The following PDGFRL variants were observed in gnomAD, a reference collection of about 807,000 sequenced individuals.
The protein encoded by PDGFRL is platelet derived growth factor receptor like.
A neutral mutation model predicts 37.2 loss-of-function variants in PDGFRL; 46 were observed. The ratio of observed to expected loss-of-function variants is 1.24; its 90% CI spans 0.98 to 1.58. PDGFRL has a LOEUF of 1.58. Ranked by LOEUF, PDGFRL falls within the 40% of genes most tolerant of loss-of-function variation. PDGFRL has a pLI of 0.00. For missense variants in PDGFRL, 692 were observed against 467.6 expected, an observed-to-expected ratio of 1.48 and a Z score of -4.43; for synonymous variants, 251 against 184.3, an observed-to-expected ratio of 1.36 and a Z score of -2.93.
chr8:17,634,967 TAA>T (rs1804940129), intron 5 of PDGFRL, among the ~76,000 whole-genome samples: 1 of 137,608 alleles, frequency 7.3e-6, no homozygotes, highest in Non-Finnish European at 1.5e-5. Context: ...GAACCTAAAA[TAA>T]AAGGTTTTTT....
At chr8:17,591,076 G>A (rs1439671392) in intron 2 of PDGFRL, among the ~76,000 whole-genome samples, 2 of 152,042 alleles carry the variant, frequency 1.3e-5, no homozygotes. Context: ...TAGAGACAGA[G>A]TTTCACTATG....
At chr8:17,639,985 TTTG>T (rs1229259564) in intron 5 of PDGFRL, among the ~76,000 whole-genome samples, 1 of 152,166 alleles carries the variant, frequency 6.6e-6, no homozygotes, top group African/African-American at 2.4e-5. Flanking sequence ...TAAATTCTTT[TTTG>T]TTTGTCTTTG....
chr8:17,636,920 G>A (rs1446198927), intron 5 of PDGFRL, among the ~76,000 whole-genome samples: 2 of 152,132 alleles, frequency 1.3e-5, no homozygotes, highest in Non-Finnish European at 1.5e-5. Context: ...CAGCTTGGTT[G>A]CTGTTGGTTT....
chr8:17,630,234 T>C (rs1400017580), intron 4 of PDGFRL, among the ~76,000 whole-genome samples: 2 of 152,368 alleles, frequency 1.3e-5, no homozygotes, highest in East Asian at 3.9e-4. Context: ...TCTCTTCCAG[T>C]TGGCCTTACT....
chr8:17,627,094 A>G (rs1222882884), intron 3 of PDGFRL, among the ~76,000 whole-genome samples: 1 of 152,190 alleles, frequency 6.6e-6, no homozygotes, highest in African/African-American at 2.4e-5. Context: ...TGGGGCTCCC[A>G]GGGGAGCTCT....
Position 17,589,582 on chromosome 8 carries a change from C to T in PDGFRL, c.170C>T (p.Ser57Leu), listed in dbSNP as rs142687240. ...ATTCCTAAAATGAAGGACAGGGACTCAGCCAATTCAGCACCAAAGACGCAG... is the reference window on the plus strand; with the variant it reads ...ATTCCTAAAATGAAGGACAGGGACTTAGCCAATTCAGCACCAAAGACGCAG... ...PKIPKMKDRD[S>L]ANSAPKTQSI... is the part of the protein sequence containing the mutation. Residue 57 changes from serine (S) to leucine (L), a missense_variant, in exon 2 of 6, where the codon TCA becomes TTA. Coordinates refer to ENST00000251630, the MANE Select transcript of PDGFRL (RefSeq NM_001372073.1). 21 of 1,613,866 alleles carry T rather than the reference C, an allele frequency of 1.3e-5. No homozygotes were observed. The African/African-American group carries it at 2.8e-4, about 22-fold the overall frequency.
chr8:17,642,274 C>A (rs758400061), intron 5 of PDGFRL, among the ~76,000 whole-genome samples: 2 of 152,180 alleles, frequency 1.3e-5, no homozygotes, highest in Non-Finnish European at 2.9e-5. Context: ...AAGAACGGGG[C>A]CAGTGGAAAA....
At chr8:17,584,842 G>GA (rs1803782112) in intron 1 of PDGFRL, among the ~76,000 whole-genome samples, 2 of 151,948 alleles carry the variant, frequency 1.3e-5, no homozygotes, top group Non-Finnish European at 2.9e-5. Context: ...GTCCATAGAA[G>GA]TAAAGTGAAA....
intron 5 of PDGFRL, among the ~76,000 whole-genome samples, chr8:17,636,922 T>C (rs1465281694): frequency 3.9e-5 from 6 of 152,214 alleles, no homozygotes; most frequent in African/African-American, 1.2e-4. Context: ...GCTTGGTTGC[T>C]GTTGGTTTAT....
At position 17,611,509 on chromosome 8, in the gene PDGFRL, A is replaced by T. The variant is rs191091925; in HGVS notation, c.354-9542A>T. Among the ~76,000 whole-genome samples the T allele has an allele frequency of 2.9e-3, 445 of 152,276 alleles. 6 individuals carry two copies. Among genetic ancestry groups the T allele is most frequent in the African/African-American group, 0.01 (425 of 41,546 alleles). ...CGGCCTCCTTGGGAATAGGACCCTG[A>T]CGAGTAACCACGTTTTGGTCAGATA... On this transcript the variant is annotated intron_variant, in intron 2 of 5. Coordinates refer to ENST00000251630, the MANE Select transcript of PDGFRL (RefSeq NM_001372073.1).
chr8:17,622,748 A>G (rs1369967578), intron 3 of PDGFRL, among the ~76,000 whole-genome samples: 1 of 152,210 alleles, frequency 6.6e-6, no homozygotes, highest in Non-Finnish European at 1.5e-5. Flanking sequence ...AGCAGGTTGC[A>G]GGTTGCTCTC....
intron 2 of PDGFRL, among the ~76,000 whole-genome samples, chr8:17,617,201 C>G (rs1022629243): frequency 6.6e-5 from 10 of 152,182 alleles, no homozygotes; most frequent in Non-Finnish European, 1.2e-4. Context: ...ACTGAGATCT[C>G]TGTGGGTCAG....
intron 2 of PDGFRL, among the ~76,000 whole-genome samples, chr8:17,606,208 C>G (rs2588127): frequency 0.93 from 141,285 of 152,198 alleles, 66,280 homozygotes; most frequent in East Asian, 1. Flanking sequence ...TTATATTTTT[C>G]GAAAATACAC....
chr8:17,581,264 C>T (rs1803702028), intron 1 of PDGFRL, among the ~76,000 whole-genome samples: 1 of 152,110 alleles, frequency 6.6e-6, no homozygotes, highest in Admixed American at 6.6e-5. Context: ...GCTGTGCACT[C>T]CAGGGGCACC....
intron 5 of PDGFRL, 30 bp downstream of exon 5, chr8:17,634,243 G>A (rs139426216): frequency 1.3e-6 from 2 of 1,570,732 alleles, no homozygotes; most frequent in Admixed American, 1.7e-5. Context: ...CTCAGCCCCT[G>A]CGTCTCAGCC....
intron 2 of PDGFRL, among the ~76,000 whole-genome samples, chr8:17,609,067 A>C (rs542772391): frequency 2.7e-4 from 41 of 152,202 alleles, no homozygotes; most frequent in African/African-American, 8.7e-4. Context: ...AAACAAACAA[A>C]AAGTTTTAGC....
At chr8:17,592,911 TACATGCACACACACAC>T (rs1414779328) in intron 2 of PDGFRL, among the ~76,000 whole-genome samples, 2,632 of 147,932 alleles carry the variant, frequency 0.018, 38 homozygotes, top group Non-Finnish European at 0.027. Context: ...TAAACCCACA[TACATGCACACACACAC>T]ACACACACAC....
chr8:17,608,872 C>A (rs1380899289), intron 2 of PDGFRL, among the ~76,000 whole-genome samples: 1 of 152,068 alleles, frequency 6.6e-6, no homozygotes, highest in Non-Finnish European at 1.5e-5. Flanking sequence ...TAAGTGATGA[C>A]CTGATTGTTG....
intron 2 of PDGFRL, among the ~76,000 whole-genome samples, chr8:17,617,482 T>G (rs1201441831): frequency 6.6e-6 from 1 of 152,168 alleles, no homozygotes; most frequent in Non-Finnish European, 1.5e-5. Context: ...AGGGAATCCT[T>G]GTCTCCCTTG....
Sources: allele counts gnomAD v4.1 joint callset (sites outside exome capture counted in the v4.1 genomes callset), GRCh38; gene constraint gnomAD v4.1.1; transcripts MANE v1.5; gene names NCBI Gene and HGNC (gene_info 2026-07-23, HGNC 2026-07-21).